AEBP2: variants seen among roughly 807,000 people sequenced by gnomAD.
AEBP2 encodes zinc finger protein AEBP2.
Under a neutral mutation model 50.8 loss-of-function variants are expected in AEBP2, and 10 were observed. That is an observed-to-expected ratio of 0.20 (90% CI 0.12 to 0.33). The LOEUF (loss-of-function observed/expected upper bound fraction) is 0.33. Among genes scored for constraint, AEBP2 ranks in the 10% least tolerant of loss-of-function variants. The pLI, the probability that AEBP2 is intolerant of heterozygous loss-of-function variation, is 1.00. For missense variants in AEBP2, 570 were observed against 688.0 expected (o/e 0.83, Z 1.92); for synonymous variants, 296 against 261.3 (o/e 1.13, Z -1.28).
At position 19,439,622 on chromosome 12, in the gene AEBP2, G is replaced by T; in HGVS notation, c.-78G>T. The T allele has an allele frequency of 4.1e-6, 6 of 1,475,678 alleles. No homozygotes were observed. The South Asian group carries it at 7.8e-5, about 19-fold the overall frequency. The allele number at this position is 1,475,678 out of a possible 1,614,324, so 91.4% of individuals were successfully genotyped here. On this transcript the variant is annotated 5_prime_UTR_variant, in exon 1 of 8. Transcript: ENST00000266508. Reference sequence around the variant, plus strand: ...CGTCGGCGGAGTTTTGGGCGTTTGGGAGGGGGGCGAGGGAGAGAGAGTCGA... The same window carrying T: ...CGTCGGCGGAGTTTTGGGCGTTTGGTAGGGGGGCGAGGGAGAGAGAGTCGA...
rs76089743 is a variant in AEBP2, at chr12:19,482,404, T to C, written c.987+9049T>C. Reference sequence around the variant, plus strand: ...AATACTGGTTATGCTAGCAATGAACTTGTAATGTGGACACACTCAGGACCT... The same window carrying C: ...AATACTGGTTATGCTAGCAATGAACCTGTAATGTGGACACACTCAGGACCT... On this transcript the variant is annotated intron_variant, in intron 3 of 7. Transcript: ENST00000266508. Among the ~76,000 whole-genome samples, 1,319 of 152,290 alleles carry C rather than the reference T, an allele frequency of 8.7e-3. 21 individuals carry two copies. Among genetic ancestry groups the C allele is most frequent in the African/African-American group, 0.03 (1,264 of 41,546 alleles).
At chr12:19,457,675 A>G in intron 1 of AEBP2, 2 of 1,319,226 alleles carry the variant, frequency 1.5e-6, no homozygotes, top group Non-Finnish European at 2.0e-6. Context: ...AGTTTTCACA[A>G]CACCTGTGTT....
intron 1 of AEBP2, among the ~76,000 whole-genome samples, chr12:19,450,365 C>CA (rs1253469494): frequency 1.3e-5 from 2 of 151,626 alleles, no homozygotes; most frequent in African/African-American, 4.9e-5. Flanking sequence ...ATGAAGCTAA[C>CA]TGACGTGTAG....
rs1948279348 is a variant in AEBP2, at chr12:19,456,909, A to G, written c.672-5601A>G. On this transcript the variant is annotated intron_variant, in intron 1 of 7. Coordinates refer to ENST00000266508, the MANE Select transcript of AEBP2 (RefSeq NM_153207.5). ...GGAGAGGCAGGCAAAGGGGCTTGTT[A>G]GTTGGATGAGTTGGTGGTAGGATGT... The G allele has an allele frequency of 4.9e-6, 7 of 1,429,328 alleles. No individual in the cohort carries two copies. In the South Asian group the frequency reaches 5.8e-5, roughly 12 times the overall value. The allele number at this position is 1,429,328 out of a possible 1,614,324, so 88.5% of individuals were successfully genotyped here.
chr12:19,469,082 A>C (rs1948532627), intron 2 of AEBP2, among the ~76,000 whole-genome samples: 1 of 151,952 alleles, frequency 6.6e-6, no homozygotes, highest in Non-Finnish European at 1.5e-5. Context: ...GTGTCATCAC[A>C]CCTGGTTAAG....
In AEBP2 at chr12:19,518,212, C is replaced by A; in HGVS notation, c.*95C>A. ...AGGGAAAGTTGCACATTAGAGTCAA[C>A]CCCTTCTTTTTTTTTTTTTTTTTTT... On this transcript the variant is annotated 3_prime_UTR_variant, in exon 8 of 8. Coordinates refer to ENST00000266508, the MANE Select transcript of AEBP2 (RefSeq NM_153207.5). The A allele has an allele frequency of 4.5e-6, 6 of 1,336,472 alleles. No homozygotes were observed. Among genetic ancestry groups the A allele is most frequent in the South Asian group, 2.0e-5 (1 of 49,330 alleles). The allele number at this position is 1,336,472 out of a possible 1,614,324, so 82.8% of individuals were successfully genotyped here.
intron 1 of AEBP2, among the ~76,000 whole-genome samples, chr12:19,441,725 A>G (rs1279625436): frequency 1.3e-5 from 2 of 152,232 alleles, no homozygotes; most frequent in African/African-American, 2.4e-5. Flanking sequence ...TGAACTGTGT[A>G]GGCATGGGTA....
intron 1 of AEBP2, among the ~76,000 whole-genome samples, chr12:19,423,191 T>C (rs1253931397): frequency 1.3e-5 from 2 of 149,910 alleles, no homozygotes; most frequent in African/African-American, 2.5e-5. Context: ...GCCTCATACA[T>C]AGTAGACACT....
In AEBP2 at chr12:19,451,993, C is replaced by T. The variant is rs140471758; in HGVS notation, c.672-10517C>T. 2.6e-3 allele frequency among the ~76,000 whole-genome samples: 397 copies of T among 152,242 alleles called. 2 individuals are homozygous for T. The highest frequency in any genetic ancestry group is 7.2e-3 in the African/African-American group (299 of 41,558). On this transcript the variant is annotated intron_variant, in intron 1 of 7. Transcript: ENST00000266508. ...TGCACCTCTGCCTCTCGGGTTTAAG[C>T]GATCCTCCTGCCTCAGCCTCCTAAG... is the stretch of plus-strand genomic sequence containing the variant.
At chr12:19,440,545 G>T in intron 1 of AEBP2, 175 bp downstream of exon 1, 2 of 1,372,122 alleles carry the variant, frequency 1.5e-6, no homozygotes, top group South Asian at 1.8e-5. Context: ...CTCTCGCAGC[G>T]CATCGCGGCT....
intron 4 of AEBP2, 62 bp downstream of exon 4, chr12:19,494,048 T>A: frequency 6.8e-7 from 1 of 1,468,188 alleles, no homozygotes; most frequent in Non-Finnish European, 9.1e-7. Flanking sequence ...CTTAGACTTT[T>A]ATGCAAATCC....
rs1400211619 is a variant in AEBP2, at chr12:19,439,582, C to T, written c.-118C>T. On this transcript the variant is annotated 5_prime_UTR_variant, in exon 1 of 8. Transcript: ENST00000266508. ...GCTGACGCAGCTCGCGGGCCCTCCTCCTGCTCTGCAGCGGCGTCGGCGGAG... is the reference window on the plus strand; with the variant it reads ...GCTGACGCAGCTCGCGGGCCCTCCTTCTGCTCTGCAGCGGCGTCGGCGGAG... 1.5e-6 allele frequency: 2 copies of T among 1,353,324 alleles called. No individual in the cohort carries two copies. Among genetic ancestry groups the T allele is most frequent in the Non-Finnish European group, 2.0e-6 (2 of 1,020,114 alleles). The allele number at this position is 1,353,324 out of a possible 1,614,324, so 83.8% of individuals were successfully genotyped here.
At chr12:19,432,441 C>T (rs1157753313) in intron 1 of AEBP2, among the ~76,000 whole-genome samples, 3 of 152,122 alleles carry the variant, frequency 2.0e-5, no homozygotes, top group Admixed American at 6.6e-5. Context: ...TGCTTGTAAT[C>T]CCAGCACTTT....
At chr12:19,465,791 CTTT>C (rs11284427) in intron 2 of AEBP2, among the ~76,000 whole-genome samples, 11 of 107,644 alleles carry the variant, frequency 1.0e-4, no homozygotes, top group Middle Eastern at 4.4e-3. Context: ...ATTGTTTTTT[CTTT>C]TTTTTTTTTT....
chr12:19,518,519 A>T lies in AEBP2; in HGVS notation c.*402A>T, dbSNP rs1369322566. The T allele has an allele frequency of 1.6e-6, 2 of 1,263,266 alleles. No individual in the cohort carries two copies. The highest frequency in any genetic ancestry group is 1.0e-6 in the Non-Finnish European group (1 of 999,568). The allele number at this position is 1,263,266 out of a possible 1,614,324, so 78.3% of individuals were successfully genotyped here. On this transcript the variant is annotated 3_prime_UTR_variant, in exon 8 of 8. Transcript: ENST00000266508. Reference sequence around the variant, plus strand: ...AACAATTACAACATGTGCCCTTACAAATACCAAAAGCACTGTAAGGATATT... The same window carrying T: ...AACAATTACAACATGTGCCCTTACATATACCAAAAGCACTGTAAGGATATT...
chr12:19,505,586 T>C (rs1949144808), intron 5 of AEBP2, among the ~76,000 whole-genome samples: 1 of 152,172 alleles, frequency 6.6e-6, no homozygotes, highest in Admixed American at 6.5e-5. Context: ...CATCTTGAGG[T>C]GGGACAACAG....
chr12:19,483,030 G>A (rs1948753290), intron 3 of AEBP2, among the ~76,000 whole-genome samples: 1 of 152,152 alleles, frequency 6.6e-6, no homozygotes, highest in Non-Finnish European at 1.5e-5. Context: ...TACTCTGTCA[G>A]CAGCTCTGCG....
chr12:19,510,388 T>G (rs772924242), intron 5 of AEBP2, among the ~76,000 whole-genome samples: 3 of 152,172 alleles, frequency 2.0e-5, no homozygotes, highest in Non-Finnish European at 2.9e-5. Context: ...AAGGTGATAA[T>G]GCATGTGTCC....
chr12:19,448,561 A>G (rs1948114503), intron 1 of AEBP2, among the ~76,000 whole-genome samples: 1 of 152,100 alleles, frequency 6.6e-6, no homozygotes, highest in South Asian at 2.1e-4. Flanking sequence ...AGTATGTCGT[A>G]GCCTGTATTC....
Sources: allele counts gnomAD v4.1 joint callset (sites outside exome capture counted in the v4.1 genomes callset), GRCh38; gene constraint gnomAD v4.1.1; transcripts MANE v1.5; gene names NCBI Gene and HGNC (gene_info 2026-07-23, HGNC 2026-07-21).